Variants in WWC1 observed in about 807,000 individuals in gnomAD.
WWC1 encodes protein KIBRA.
WWC1 carries 55 observed loss-of-function variants against 138.4 expected under a neutral mutation model. That is an observed-to-expected ratio of 0.40 (90% confidence interval 0.32 to 0.50). The LOEUF is 0.50. WWC1 is among the 20% of genes least tolerant of loss of function. The pLI, the probability that WWC1 is intolerant of heterozygous loss-of-function variation, is 0.72. For missense variants in WWC1, 1,226 were observed against 1,420.4 expected (o/e 0.86, Z 2.20); for synonymous variants, 524 against 564.9 (o/e 0.93, Z 1.03).
chr5:168,452,723 T>G (rs1397507597), intron 17 of WWC1, among the ~76,000 whole-genome samples: 1 of 152,088 alleles, frequency 6.6e-6, no homozygotes, highest in East Asian at 1.9e-4. Context: ...GAAATGTAAG[T>G]AATCCAAATG....
chr5:168,459,831 C>G (rs1432831123), intron 19 of WWC1, among the ~76,000 whole-genome samples: 2 of 152,174 alleles, frequency 1.3e-5, no homozygotes, highest in East Asian at 3.9e-4. Flanking sequence ...CCTGTCACAA[C>G]CCCACCGATT....
chr5:168,336,571 CAA>C (rs57339649), intron 1 of WWC1, among the ~76,000 whole-genome samples: 966 of 57,956 alleles, frequency 0.017, 5 homozygotes, highest in African/African-American at 0.046. Context: ...GACTCTGTCT[CAA>C]AAAAAAAAAA....
intron 21 of WWC1, among the ~76,000 whole-genome samples, chr5:168,466,146 A>G (rs1292615090): frequency 6.6e-6 from 1 of 152,172 alleles, no homozygotes; most frequent in Non-Finnish European, 1.5e-5. Context: ...CAAAACAGGA[A>G]GGTTGTATAT....
At chr5:168,428,856 C>G in intron 13 of WWC1, 69 bp downstream of exon 13, 3 of 1,552,754 alleles carry the variant, frequency 1.9e-6, no homozygotes, top group Non-Finnish European at 2.7e-6. Flanking sequence ...CCACAGCGTT[C>G]CCCAGCATTT....
rs1356011702 is a variant in WWC1 at position 168,408,608 on chromosome 5, G to A, written c.822G>A (p.Pro274=). ...SSLESSSFPL[P]KQYLDVSSQT... ...TGGAGAGTTCGAGTTTCCCGCTACC[G>A]AAACAGTACCTGGATGTGAGCTCCC... The change falls in exon 7 of 23, where the codon CCG becomes CCA. Residue 274 remains proline (P), a synonymous_variant. Transcript: ENST00000265293. 8.1e-6 allele frequency: 13 copies of A among 1,614,192 alleles called. No homozygotes were observed. Among genetic ancestry groups the A allele is most frequent in the Admixed American group, 3.3e-5 (2 of 60,026 alleles).
chr5:168,461,289 G>A (rs1315755264), intron 20 of WWC1, among the ~76,000 whole-genome samples: 3 of 152,090 alleles, frequency 2.0e-5, no homozygotes, highest in Non-Finnish European at 2.9e-5. Context: ...CTGAGATTGC[G>A]CCACTGCACC....
At chr5:168,296,633 A>G (rs1461269196) in intron 1 of WWC1, among the ~76,000 whole-genome samples, 1 of 152,172 alleles carries the variant, frequency 6.6e-6, no homozygotes, top group Admixed American at 6.5e-5. Flanking sequence ...GGTATTTACT[A>G]TATTCAGGCA....
At chr5:168,352,875 C>T (rs962704395) in intron 1 of WWC1, among the ~76,000 whole-genome samples, 2 of 152,146 alleles carry the variant, frequency 1.3e-5, no homozygotes, top group African/African-American at 2.4e-5. Context: ...TGAGCCACTG[C>T]ACCCGGCCTG....
At chr5:168,340,759 C>T (rs916802513) in intron 1 of WWC1, among the ~76,000 whole-genome samples, 1 of 152,190 alleles carries the variant, frequency 6.6e-6, no homozygotes, top group African/African-American at 2.4e-5. Context: ...GGGTTATTCT[C>T]ACTTTTTGGC....
chr5:168,369,402 TGG>T (rs1776566069), intron 1 of WWC1, among the ~76,000 whole-genome samples: 3 of 152,122 alleles, frequency 2.0e-5, no homozygotes, highest in African/African-American at 7.2e-5. Flanking sequence ...TTGTTGTTGG[TGG>T]TGGTGGTGGT....
chr5:168,455,309 G>A, intron 18 of WWC1, 47 bp from the exon 19 acceptor site: 1 of 1,531,600 alleles, frequency 6.5e-7, no homozygotes, highest in Non-Finnish European at 8.7e-7. Context: ...GTGGGTGGCT[G>A]AGACTCTGTG....
chr5:168,439,109 A>G (rs1754519340), intron 15 of WWC1, among the ~76,000 whole-genome samples: 1 of 152,150 alleles, frequency 6.6e-6, no homozygotes, highest in African/African-American at 2.4e-5. Context: ...GATAGACTAT[A>G]GACACAGATA....
chr5:168,459,271 A>AG (rs1554117280), intron 19 of WWC1, among the ~76,000 whole-genome samples: 200 of 147,778 alleles, frequency 1.4e-3, no homozygotes, highest in Non-Finnish European at 2.5e-3. Context: ...AAAAAAAAAA[A>AG]AAAGAAAGAA....
At position 168,339,578 on chromosome 5, in the gene WWC1, G is replaced by T. The variant is rs73801879; in HGVS notation, c.120-31846G>T. ...TGGGTGAGTTACTTACCCTCTGTAA[G>T]CCTCAGTTTCTTCATCTGTAAAGTG... On this transcript the variant is annotated intron_variant, in intron 1 of 22. Coordinates refer to ENST00000265293, the MANE Select transcript of WWC1 (RefSeq NM_015238.3). Among the ~76,000 whole-genome samples, 765 of 152,204 alleles carry T rather than the reference G, an allele frequency of 5.0e-3. 3 individuals carry two copies. Among genetic ancestry groups the T allele is most frequent in the African/African-American group, 0.018 (729 of 41,524 alleles).
At chr5:168,333,329 CCTT>C (rs1297807664) in intron 1 of WWC1, among the ~76,000 whole-genome samples, 1 of 152,216 alleles carries the variant, frequency 6.6e-6, no homozygotes, top group Non-Finnish European at 1.5e-5. Flanking sequence ...CATCTGCAGA[CCTT>C]CTTTTCCCTT....
intron 1 of WWC1, among the ~76,000 whole-genome samples, chr5:168,360,912 G>A (rs1458638387): frequency 6.6e-6 from 1 of 152,256 alleles, no homozygotes; most frequent in Non-Finnish European, 1.5e-5. Flanking sequence ...AGTTACTGCT[G>A]ATGAGGCTTC....
intron 15 of WWC1, among the ~76,000 whole-genome samples, chr5:168,436,326 A>AAGAG (rs1352864163): frequency 6.6e-6 from 1 of 152,104 alleles, no homozygotes; most frequent in Non-Finnish European, 1.5e-5. Context: ...TCGCTCTTCC[A>AAGAG]GTGTTCTCCC....
intron 1 of WWC1, among the ~76,000 whole-genome samples, chr5:168,339,894 TG>T: frequency 9.2e-6 from 1 of 109,282 alleles, no homozygotes. Flanking sequence ...CCTCTCTCTC[TG>T]TCTCTCTCTC....
At chr5:168,315,030 C>A (rs144360213) in intron 1 of WWC1, among the ~76,000 whole-genome samples, 1 of 152,138 alleles carries the variant, frequency 6.6e-6, no homozygotes, top group Admixed American at 6.5e-5. Flanking sequence ...CTGCTGACAC[C>A]CCCCAGATTC....
Sources: allele counts gnomAD v4.1 joint callset (sites outside exome capture counted in the v4.1 genomes callset), GRCh38; gene constraint gnomAD v4.1.1; transcripts MANE v1.5; gene names NCBI Gene and HGNC (gene_info 2026-07-23, HGNC 2026-07-21).